Variants in CDKAL1 observed in about 807,000 individuals in gnomAD.
The protein encoded by CDKAL1 is CDKAL1 threonylcarbamoyladenosine tRNA methylthiotransferase.
In CDKAL1, 32 loss-of-function variants were observed where a neutral mutation model predicts 68.2. The ratio of observed to expected loss-of-function variants is 0.47; its 90% CI spans 0.35 to 0.63. CDKAL1 has a LOEUF of 0.63. CDKAL1 is among the 30% of genes least tolerant of loss of function. The pLI is 0.00. For missense variants in CDKAL1, 606 were observed against 696.7 expected (o/e 0.87, Z 1.47); for synonymous variants, 234 against 244.3 (o/e 0.96, Z 0.39).
At chr6:20,903,988 A>C (rs1762121606) in intron 9 of CDKAL1, among the ~76,000 whole-genome samples, 1 of 152,218 alleles carries the variant, frequency 6.6e-6, no homozygotes, top group African/African-American at 2.4e-5. Flanking sequence ...GGTCCTTAGC[A>C]TGGTAGCAGC....
At chr6:21,062,430 T>G (rs1221218974) in intron 11 of CDKAL1, among the ~76,000 whole-genome samples, 1 of 152,222 alleles carries the variant, frequency 6.6e-6, no homozygotes, top group East Asian at 1.9e-4. Flanking sequence ...TTTTTATTTA[T>G]AGCTTACATG....
chr6:21,097,977 T>C (rs557818282), intron 12 of CDKAL1, among the ~76,000 whole-genome samples: 9 of 152,364 alleles, frequency 5.9e-5, no homozygotes, highest in Admixed American at 2.6e-4. Flanking sequence ...CAAACATTTA[T>C]GCACTTACTG....
At chr6:20,953,707 A>G (rs1160531639) in intron 9 of CDKAL1, among the ~76,000 whole-genome samples, 1 of 152,222 alleles carries the variant, frequency 6.6e-6, no homozygotes, top group African/African-American at 2.4e-5. Context: ...GAATATTTAT[A>G]AAATTGTACA....
chr6:20,770,965 C>T (rs1774915288), intron 7 of CDKAL1, among the ~76,000 whole-genome samples: 1 of 152,148 alleles, frequency 6.6e-6, no homozygotes, highest in Non-Finnish European at 1.5e-5. Flanking sequence ...TGGTGTCTCT[C>T]TGTACTTAGA....
intron 9 of CDKAL1, among the ~76,000 whole-genome samples, chr6:20,943,782 T>A (rs548003534): frequency 7.7e-5 from 11 of 142,954 alleles, no homozygotes; most frequent in East Asian, 2.0e-4. Flanking sequence ...TGATTGATAT[T>A]TTTTTTTTTC....
At chr6:20,883,234 A>C (rs987554069) in intron 9 of CDKAL1, among the ~76,000 whole-genome samples, 2 of 152,236 alleles carry the variant, frequency 1.3e-5, no homozygotes, top group Admixed American at 1.3e-4. Flanking sequence ...TGGATAGGAA[A>C]TGGAGCAGTG....
chr6:20,605,506 T>TTTTTACATGCCTG (rs1766295115), intron 4 of CDKAL1, among the ~76,000 whole-genome samples: 1 of 152,242 alleles, frequency 6.6e-6, no homozygotes, highest in Admixed American at 6.5e-5. Context: ...TTTTTCTTAT[T>TTTTTACATGCCTG]TTTTACATGC....
intron 4 of CDKAL1, among the ~76,000 whole-genome samples, chr6:20,566,966 A>G (rs750574090): frequency 3.9e-5 from 6 of 152,080 alleles, no homozygotes; most frequent in Non-Finnish European, 7.4e-5. Context: ...TCTCCTTATT[A>G]CTTATTTGTG....
At chr6:21,208,714 T>C (rs185510347) in intron 15 of CDKAL1, among the ~76,000 whole-genome samples, 35 of 152,358 alleles carry the variant, frequency 2.3e-4, no homozygotes, top group African/African-American at 8.4e-4. Context: ...TTATGCATTT[T>C]TCTTTCATTT....
intron 8 of CDKAL1, among the ~76,000 whole-genome samples, chr6:20,841,181 T>A (rs994839953): frequency 1.3e-5 from 2 of 152,200 alleles, no homozygotes; most frequent in African/African-American, 2.4e-5. Context: ...TCTATCAATT[T>A]ATGAAAAACA....
intron 8 of CDKAL1, chr6:20,799,780 GT>G (rs1776290107): frequency 6.6e-6 from 1 of 152,138 alleles, no homozygotes; most frequent in Non-Finnish European, 1.5e-5. Context: ...CCTTACCTTC[GT>G]GCACATGTGT....
chr6:20,787,386 C>A (rs745926263), intron 8 of CDKAL1, among the ~76,000 whole-genome samples: 56 of 152,108 alleles, frequency 3.7e-4, no homozygotes, highest in Non-Finnish European at 6.8e-4. Flanking sequence ...CGTAGGCTAT[C>A]TACAAATATT....
intron 5 of CDKAL1, among the ~76,000 whole-genome samples, chr6:20,701,965 A>T (rs1581409780): frequency 1.3e-5 from 2 of 152,268 alleles, no homozygotes; most frequent in East Asian, 3.9e-4. Flanking sequence ...CCGTGGTGGG[A>T]GAGGCTGACA....
chr6:20,859,175 T>G lies in CDKAL1; in HGVS notation c.742+12997T>G, dbSNP rs76961547. ...TAGATTAACTTTGAAGTTCATGGAT[T>G]CTCTTTGATCATGTGGTAGCCTAAT... On this transcript the variant is annotated intron_variant, in intron 9 of 15. Coordinates refer to ENST00000274695, the MANE Select transcript of CDKAL1 (RefSeq NM_017774.3). Among the ~76,000 whole-genome samples, 639 of 152,250 alleles carry G rather than the reference T, an allele frequency of 4.2e-3. 6 individuals are homozygous for G. The highest frequency in any genetic ancestry group is 0.015 in the African/African-American group (611 of 41,556).
chr6:20,965,108 TGA>T (rs1257432734), intron 10 of CDKAL1, among the ~76,000 whole-genome samples: 1 of 152,140 alleles, frequency 6.6e-6, no homozygotes, highest in East Asian at 1.9e-4. Context: ...GTCAGGAGTT[TGA>T]GACCAGCCTG....
chr6:21,054,010 G>A (rs1160378790), intron 11 of CDKAL1, among the ~76,000 whole-genome samples: 3 of 151,882 alleles, frequency 2.0e-5, no homozygotes, highest in East Asian at 1.9e-4. Flanking sequence ...TGGCACTATC[G>A]CTAAGAAATC....
intron 5 of CDKAL1, among the ~76,000 whole-genome samples, chr6:20,690,993 T>A (rs539519168): frequency 6.6e-6 from 1 of 152,210 alleles, no homozygotes; most frequent in Non-Finnish European, 1.5e-5. Context: ...ATGAAACATG[T>A]ATTGCATGCA....
intron 11 of CDKAL1, among the ~76,000 whole-genome samples, chr6:21,001,107 A>G (rs1767403672): frequency 3.9e-5 from 6 of 152,216 alleles, no homozygotes; most frequent in Admixed American, 1.3e-4. Flanking sequence ...TCAAGTCTAC[A>G]TCACTGTTCT....
intron 8 of CDKAL1, among the ~76,000 whole-genome samples, chr6:20,788,670 A>G (rs1368594017): frequency 6.6e-6 from 1 of 152,192 alleles, no homozygotes; most frequent in Non-Finnish European, 1.5e-5. Flanking sequence ...ACATTAATAC[A>G]TATTTTCTTT....
Sources: gnomAD v4.1 joint callset for allele counts (sites outside exome capture counted in the v4.1 genomes callset) on GRCh38, gnomAD v4.1.1 for gene constraint, MANE v1.5 for transcripts, NCBI Gene and HGNC (gene_info 2026-07-23, HGNC 2026-07-21) for gene names.